Variants in COPS4 observed in about 807,000 individuals in gnomAD.
The protein encoded by COPS4 is COP9 signalosome subunit 4.
A neutral mutation model predicts 55.1 loss-of-function variants in COPS4; 8 were observed. The observed-to-expected ratio is 0.15, with a 90% CI of 0.09 to 0.26. The LOEUF is 0.26. COPS4 is among the 10% of genes least tolerant of loss of function. The pLI, the probability that COPS4 is intolerant of heterozygous loss-of-function variation, is 1.00. For missense variants in COPS4, 248 were observed against 484.0 expected, an observed-to-expected ratio of 0.51 and a Z score of 4.58; for synonymous variants, 185 against 165.7, an observed-to-expected ratio of 1.12 and a Z score of -0.90.
At chr4:83,039,470 G>C (rs1730504438) in intron 1 of COPS4, among the ~76,000 whole-genome samples, 1 of 152,186 alleles carries the variant, frequency 6.6e-6, no homozygotes, top group Non-Finnish European at 1.5e-5. Flanking sequence ...GATATGAAGA[G>C]CTACAAAGTT....
At chr4:83,060,371 C>T (rs1305471535) in intron 6 of COPS4, among the ~76,000 whole-genome samples, 6 of 120,500 alleles carry the variant, frequency 5.0e-5, no homozygotes, top group Admixed American at 8.4e-5. Flanking sequence ...TTTTTTGAGA[C>T]GGAATCTTCC....
At position 83,044,861 on chromosome 4, in the gene COPS4, C is replaced by T. The variant is rs1489810828; in HGVS notation, c.75-765C>T. On this transcript the variant is annotated intron_variant, in intron 1 of 9. Coordinates refer to ENST00000264389, the MANE Select transcript of COPS4 (RefSeq NM_016129.3). The stretch of plus-strand genomic sequence containing the variant: ...TTAAGAAATAAAACATTACTAATAC[C>T]GTTGAATATTTGAGTGCTTATGATG... Among the ~76,000 whole-genome samples, 6 of 152,234 alleles carry T rather than the reference C, an allele frequency of 3.9e-5. No individual in the cohort carries two copies. In the South Asian group the frequency reaches 6.2e-4, roughly 16 times the overall value.
In COPS4 at chr4:83,044,644, G is replaced by T. The variant is rs568850276; in HGVS notation, c.75-982G>T. 1.4e-4 allele frequency among the ~76,000 whole-genome samples: 21 copies of T among 149,662 alleles called. 1 individual carries two copies. Among genetic ancestry groups the T allele is most frequent in the African/African-American group, 4.7e-4 (19 of 40,684 alleles). ...ACAAAAATTAGCCAGGCGTGGTGGC[G>T]CATGCCTGTAATCCCAGCTACTCAG... On this transcript the variant is annotated intron_variant, in intron 1 of 9. Transcript: ENST00000264389.
chr4:83,054,254 A>C (rs1024773107), intron 4 of COPS4, among the ~76,000 whole-genome samples: 5 of 152,136 alleles, frequency 3.3e-5, no homozygotes, highest in African/African-American at 1.2e-4. Flanking sequence ...AGGCAGGAGA[A>C]TGGTGTGAAC....
intron 4 of COPS4, 154 bp downstream of exon 4, chr4:83,050,138 T>C (rs971987911): frequency 3.8e-6 from 2 of 522,052 alleles, no homozygotes; most frequent in Non-Finnish European, 6.7e-6. Flanking sequence ...TGGAGAAAAG[T>C]AATGGGGCAA....
intron 3 of COPS4, chr4:83,049,574 G>A (rs769832908): frequency 5.1e-5 from 24 of 470,052 alleles, no homozygotes; most frequent in Non-Finnish European, 8.5e-5. Context: ...CAGTAAAATT[G>A]GTATTTCAGC....
chr4:83,041,764 G>C (rs1398769580), intron 1 of COPS4, among the ~76,000 whole-genome samples: 1 of 151,164 alleles, frequency 6.6e-6, no homozygotes, highest in Non-Finnish European at 1.5e-5. Context: ...ACTTCACCTG[G>C]CCTTACTCTC....
intron 7 of COPS4, chr4:83,065,149 G>A: frequency 1.6e-6 from 1 of 624,232 alleles, no homozygotes; most frequent in South Asian, 1.8e-5. Context: ...GTGCTGGGAT[G>A]ATAGGGGTAA....
Position 83,049,759 on chromosome 4 carries a change from C to T in COPS4, c.307-122C>T, listed in dbSNP as rs570622720. On this transcript the variant is annotated intron_variant, in intron 3 of 9. Coordinates refer to ENST00000264389, the MANE Select transcript of COPS4 (RefSeq NM_016129.3). The stretch of plus-strand genomic sequence containing the variant: ...GGAAAACTTGGGTGGTCTTGATAAA[C>T]GTTTACTGTTTACGTGGCAGCTTAG... 83 of 622,012 alleles carry T rather than the reference C, an allele frequency of 1.3e-4. 1 individual carries two copies. The highest frequency in any genetic ancestry group is 5.1e-4 in the South Asian group (22 of 43,144). 38.5% of individuals were successfully genotyped at this position (622,012 alleles called of 1,614,324 possible). A position where few individuals can be genotyped will look rare whatever the true frequency, so the allele number is the denominator to read the frequency against.
At chr4:83,071,213 CTG>C (rs1245646873) in intron 9 of COPS4, among the ~76,000 whole-genome samples, 1 of 152,146 alleles carries the variant, frequency 6.6e-6, no homozygotes, top group African/African-American at 2.4e-5. Context: ...GGTATTAAGT[CTG>C]TCTTATTTTC....
At chr4:83,074,894 G>A (rs1049891013) in intron 9 of COPS4, among the ~76,000 whole-genome samples, 41 of 152,002 alleles carry the variant, frequency 2.7e-4, no homozygotes, top group African/African-American at 9.2e-4. Flanking sequence ...AGGCCAAGGC[G>A]GGTGGATCAT....
chr4:83,052,601 A>G lies in COPS4; in HGVS notation c.410+2617A>G, dbSNP rs558812818. 2.0e-5 allele frequency among the ~76,000 whole-genome samples: 3 copies of G among 152,194 alleles called. No homozygotes were observed. The South Asian group carries it at 6.2e-4, about 32-fold the overall frequency. ...TACTCTTTCATTGCATTGCTCCAGT[A>G]TTCTTTTTTTGTTGGCTTTTTGGTT... On this transcript the variant is annotated intron_variant, in intron 4 of 9. Coordinates refer to ENST00000264389, the MANE Select transcript of COPS4 (RefSeq NM_016129.3).
At chr4:83,056,805 A>AG (rs1244633175) in intron 4 of COPS4, 121 bp from the exon 5 acceptor site, 80 of 792,598 alleles carry the variant, frequency 1.0e-4, no homozygotes, top group Non-Finnish European at 1.5e-4. Context: ...TCTCAAAAAA[A>AG]AAGTTTGATT....
intron 6 of COPS4, among the ~76,000 whole-genome samples, chr4:83,058,413 T>G (rs1731070084): frequency 1.3e-5 from 2 of 152,026 alleles, no homozygotes; most frequent in Non-Finnish European, 2.9e-5. Flanking sequence ...GAGATGGGGT[T>G]TCTCCATATT....
At chr4:83,074,607 C>T (rs550717558) in intron 9 of COPS4, among the ~76,000 whole-genome samples, 95 of 150,516 alleles carry the variant, frequency 6.3e-4, no homozygotes, top group East Asian at 3.5e-3. Context: ...GTATTACAGG[C>T]GCCCGCCACC....
intron 4 of COPS4, among the ~76,000 whole-genome samples, chr4:83,053,579 G>A (rs769276117): frequency 5.9e-5 from 9 of 152,054 alleles, no homozygotes; most frequent in Non-Finnish European, 7.4e-5. Flanking sequence ...GGTAGCTCAC[G>A]CCTGTAATCC....
At chr4:83,056,843 G>GA (rs1219453392) in intron 4 of COPS4, 83 bp from the exon 5 acceptor site, 1 of 1,194,462 alleles carries the variant, frequency 8.4e-7, no homozygotes, top group Non-Finnish European at 1.2e-6. Flanking sequence ...TATATATCAG[G>GA]AAAAAACAAC....
chr4:83,067,714 C>T (rs2126134402), intron 8 of COPS4, among the ~76,000 whole-genome samples: 1 of 152,202 alleles, frequency 6.6e-6, no homozygotes. Flanking sequence ...TACTTGTACA[C>T]ATTCAATACA....
At chr4:83,069,553 C>T (rs1731368978) in intron 9 of COPS4, among the ~76,000 whole-genome samples, 2 of 152,138 alleles carry the variant, frequency 1.3e-5, no homozygotes, top group African/African-American at 4.8e-5. Flanking sequence ...CACTCTTTTT[C>T]CTCCTTTGCA....
Sources: gnomAD v4.1 joint callset for allele counts (sites outside exome capture counted in the v4.1 genomes callset) on GRCh38, gnomAD v4.1.1 for gene constraint, MANE v1.5 for transcripts, NCBI Gene and HGNC (gene_info 2026-07-23, HGNC 2026-07-21) for gene names.